Variants in UBR3 observed in about 807,000 individuals in gnomAD.
UBR3 encodes the protein E3 ubiquitin-protein ligase UBR3.
Under a neutral mutation model 243.2 loss-of-function variants are expected in UBR3, and 85 were observed. The ratio of observed to expected loss-of-function variants is 0.35; its 90% CI spans 0.29 to 0.42. The LOEUF (loss-of-function observed/expected upper bound fraction) is 0.42, where lower values mean the gene tolerates loss of function less well. Among genes scored for constraint, UBR3 ranks in the 10% least tolerant of loss-of-function variants. The probability of loss-of-function intolerance (pLI) is 1.00; values close to 1 mark genes in which losing one functional copy is unlikely to be tolerated. For synonymous variants in UBR3, 748 were observed against 799.8 expected (o/e 0.94, Z 1.09); for missense variants, 1,686 against 2,300.8 (o/e 0.73, Z 5.47).
At chr2:169,901,392 T>A (rs2084816229) in intron 8 of UBR3, among the ~76,000 whole-genome samples, 1 of 152,178 alleles carries the variant, frequency 6.6e-6, no homozygotes, top group South Asian at 2.1e-4. Flanking sequence ...TTTGCCATAC[T>A]ATTTTTTCCT....
intron 5 of UBR3, among the ~76,000 whole-genome samples, chr2:169,885,389 C>T (rs770987714): frequency 3.7e-4 from 57 of 152,144 alleles, no homozygotes; most frequent in Non-Finnish European, 6.0e-4. Flanking sequence ...CGAGACTAAC[C>T]TGACCAACAT....
At chr2:169,940,019 A>G (rs2086518159) in intron 19 of UBR3, among the ~76,000 whole-genome samples, 1 of 152,084 alleles carries the variant, frequency 6.6e-6, no homozygotes, top group Non-Finnish European at 1.5e-5. Flanking sequence ...TAATTGATAT[A>G]TCTTAGCCTT....
chr2:169,996,240 T>C (rs927217133), intron 26 of UBR3, among the ~76,000 whole-genome samples: 6 of 152,160 alleles, frequency 3.9e-5, no homozygotes, highest in African/African-American at 1.4e-4. Context: ...CAGGGAGGTA[T>C]TGTGTAGAGT....
chr2:169,965,899 A>G (rs527562167), intron 24 of UBR3, among the ~76,000 whole-genome samples: 1 of 152,280 alleles, frequency 6.6e-6, no homozygotes, highest in South Asian at 2.1e-4. Context: ...ATATCTTTGT[A>G]TATAACAAAA....
chr2:169,834,114 G>T (rs530363049), intron 1 of UBR3, among the ~76,000 whole-genome samples: 2 of 152,194 alleles, frequency 1.3e-5, no homozygotes, highest in African/African-American at 4.8e-5. Context: ...AGGTTTTTAG[G>T]TTTTCTGATC....
chr2:169,832,065 A>C (rs2081957943), intron 1 of UBR3, among the ~76,000 whole-genome samples: 1 of 152,208 alleles, frequency 6.6e-6, no homozygotes, highest in African/African-American at 2.4e-5. Context: ...TCTTGAATCT[A>C]TCACAGCTGT....
At chr2:169,907,843 C>T (rs1006221334) in intron 10 of UBR3, among the ~76,000 whole-genome samples, 2 of 151,858 alleles carry the variant, frequency 1.3e-5, no homozygotes, top group African/African-American at 4.8e-5. Context: ...GCGAACTCAG[C>T]TCACTGCAAC....
intron 5 of UBR3, among the ~76,000 whole-genome samples, chr2:169,887,118 C>T (rs1285260071): frequency 4.6e-5 from 7 of 152,166 alleles, no homozygotes; most frequent in Non-Finnish European, 8.8e-5. Context: ...GTAGATTTTG[C>T]AGATTGGGAG....
chr2:169,961,196 T>A (rs532648205), intron 24 of UBR3, among the ~76,000 whole-genome samples: 15 of 152,224 alleles, frequency 9.9e-5, no homozygotes, highest in Admixed American at 3.9e-4. Context: ...CCAGTTCTTT[T>A]CCAATCTGGT....
rs60845808 is a variant in UBR3 at position 169,836,067 on chromosome 2, A to ATTTTT, written c.545+8037_545+8041dup. Among the ~76,000 whole-genome samples, 168 of 32,658 alleles carry ATTTTT rather than the reference A, an allele frequency of 5.1e-3. 33 individuals are homozygous for ATTTTT. Among genetic ancestry groups the ATTTTT allele is most frequent in the East Asian group, 0.027 (20 of 754 alleles). 21.4% of individuals were successfully genotyped at this position (32,658 alleles called of 152,430 possible). On this transcript the variant is annotated intron_variant, in intron 1 of 38. Coordinates refer to ENST00000272793, the MANE Select transcript of UBR3 (RefSeq NM_172070.4). ...TCTATATATATATATATATATATATATTTTTTTTTTTTTTTTTTTTTTTTT... is the reference window on the plus strand; with the variant it reads ...TCTATATATATATATATATATATATATTTTTTTTTTTTTTTTTTTTTTTTTTTTTT...
intron 11 of UBR3, among the ~76,000 whole-genome samples, chr2:169,915,090 T>C (rs1445644390): frequency 6.6e-6 from 1 of 152,210 alleles, no homozygotes; most frequent in African/African-American, 2.4e-5. Context: ...TATTAACATT[T>C]AATTCTTATA....
At chr2:169,857,957 G>A (rs563640023) in intron 1 of UBR3, among the ~76,000 whole-genome samples, 3 of 152,284 alleles carry the variant, frequency 2.0e-5, no homozygotes, top group South Asian at 4.1e-4. Flanking sequence ...AGTAGAATGA[G>A]TGTCCAGCTT....
intron 31 of UBR3, among the ~76,000 whole-genome samples, chr2:170,031,992 C>T (rs985052557): frequency 1.3e-5 from 2 of 152,094 alleles, no homozygotes; most frequent in African/African-American, 4.8e-5. Flanking sequence ...CATGCAAGTA[C>T]ATGTGTCTTT....
chr2:169,904,914 G>A (rs1057213198), intron 8 of UBR3, among the ~76,000 whole-genome samples, 200 bp from the exon 9 acceptor site: 2 of 152,056 alleles, frequency 1.3e-5, no homozygotes, highest in South Asian at 2.1e-4. Context: ...TAAGATGGAT[G>A]TTTTTATTTT....
chr2:169,981,678 A>G (rs1478928622), intron 24 of UBR3, among the ~76,000 whole-genome samples: 1 of 152,202 alleles, frequency 6.6e-6, no homozygotes, highest in Non-Finnish European at 1.5e-5. Flanking sequence ...TAATTTGTCA[A>G]TATTGTATCA....
In UBR3 at chr2:170,032,580, CTTTTTTTTTTTTTTT is replaced by C. The variant is rs6147023; in HGVS notation, c.4556+3149_4556+3163del. On this transcript the variant is annotated intron_variant, in intron 31 of 38. Coordinates refer to ENST00000272793, the MANE Select transcript of UBR3 (RefSeq NM_172070.4). The stretch of plus-strand genomic sequence containing the variant: ...TTTTCTTTGTGCTTGATGACATTCA[CTTTTTTTTTTTTTTT>C]TTTTTTTTTTTTTTTTAGTTCAGGC... Among the ~76,000 whole-genome samples, 16 of 20,440 alleles carry C rather than the reference CTTTTTTTTTTTTTTT, an allele frequency of 7.8e-4. No homozygotes were observed. The Admixed American group carries it at 9.6e-3, about 12-fold the overall frequency. The allele number at this position is 20,440 out of a possible 152,430, so 13.4% of individuals were successfully genotyped here.
At chr2:169,852,022 A>AT (rs895460665) in intron 1 of UBR3, among the ~76,000 whole-genome samples, 22 of 151,722 alleles carry the variant, frequency 1.5e-4, no homozygotes, top group African/African-American at 2.4e-5. Flanking sequence ...CTCCATGGTT[A>AT]TTTTTTTTCC....
intron 30 of UBR3, among the ~76,000 whole-genome samples, chr2:170,022,596 G>C (rs1574410607): frequency 6.6e-6 from 1 of 152,268 alleles, no homozygotes; most frequent in East Asian, 1.9e-4. Flanking sequence ...CATTGTGGAA[G>C]TGAGGATGAT....
rs1286376106 is a variant in UBR3 at position 169,877,567 on chromosome 2, A to G, written c.918A>G (p.Thr306=). The G allele has an allele frequency of 1.3e-6, 2 of 1,549,816 alleles. No individual in the cohort carries two copies. The highest frequency in any genetic ancestry group is 1.4e-5 in the African/African-American group (1 of 73,058). The change falls in exon 4 of 39, where the codon ACA becomes ACG. Residue 306 remains threonine, a synonymous_variant. Coordinates refer to ENST00000272793, the MANE Select transcript of UBR3 (RefSeq NM_172070.4). ...YLIALKSSGL[T]YPEDKLVYGV... is the part of the protein sequence containing the mutation. ...TAGCTTTAAAGAGCTCTGGACTTAC[A>G]TATCCTGAGGATAAGCTTGTATATG... is the stretch of plus-strand genomic sequence containing the variant.
Sources: allele counts gnomAD v4.1 joint callset (sites outside exome capture counted in the v4.1 genomes callset), GRCh38; gene constraint gnomAD v4.1.1; transcripts MANE v1.5; gene names NCBI Gene and HGNC (gene_info 2026-07-23, HGNC 2026-07-21).